ABCC4: variants seen among roughly 807,000 people sequenced by gnomAD.
The protein encoded by ABCC4 is ATP-binding cassette sub-family C member 4.
Under a neutral mutation model 168.5 loss-of-function variants are expected in ABCC4, and 102 were observed. The ratio of observed to expected loss-of-function variants is 0.61; its 90% CI spans 0.52 to 0.71. The LOEUF is 0.71. Ranked by LOEUF, ABCC4 falls within the 30% of genes least tolerant of loss-of-function variation. The pLI, the probability that ABCC4 is intolerant of heterozygous loss-of-function variation, is 0.00. For missense variants in ABCC4, 1,402 were observed against 1,605.8 expected (o/e 0.87, Z 2.17); for synonymous variants, 617 against 590.7 (o/e 1.04, Z -0.65).
chr13:95,022,980 A>G (rs2031178032), intron 30 of ABCC4, among the ~76,000 whole-genome samples: 1 of 152,250 alleles, frequency 6.6e-6, no homozygotes, highest in Non-Finnish European at 1.5e-5. Context: ...TTTCCATTAT[A>G]ATGCAAGTGT....
At chr13:95,157,415 G>A (rs969515597) in intron 19 of ABCC4, among the ~76,000 whole-genome samples, 2 of 151,564 alleles carry the variant, frequency 1.3e-5, no homozygotes, top group African/African-American at 4.9e-5. Flanking sequence ...AGAATTGCTT[G>A]AACCCAAGAG....
rs554619090 is a variant in ABCC4 at position 95,271,137 on chromosome 13, A to G, written c.75-23384T>C. ...CAAATGATAAGCAGTGGAAAAATAC[A>G]CCCAAGACGACCCAAGAAATAGCCA... On this transcript the variant is annotated intron_variant, in intron 1 of 30. Coordinates refer to ENST00000645237, the MANE Select transcript of ABCC4 (RefSeq NM_005845.5). Among the ~76,000 whole-genome samples, 8 of 152,274 alleles carry G rather than the reference A, an allele frequency of 5.3e-5. No individual in the cohort carries two copies. In the South Asian group the frequency reaches 1.7e-3, roughly 32 times the overall value.
At chr13:95,105,659 A>C (rs1186595617) in intron 20 of ABCC4, among the ~76,000 whole-genome samples, 1 of 152,170 alleles carries the variant, frequency 6.6e-6, no homozygotes, top group Non-Finnish European at 1.5e-5. Flanking sequence ...TCCACCAGGC[A>C]GAAGTATGGT....
At chr13:95,218,890 G>A (rs2138703843) in intron 4 of ABCC4, among the ~76,000 whole-genome samples, 1 of 72,484 alleles carries the variant, frequency 1.4e-5, no homozygotes, top group South Asian at 3.9e-4. Context: ...GAGACAGACA[G>A]ATGAGAGAGA....
At position 95,062,787 on chromosome 13, in the gene ABCC4, C is replaced by T. The variant is rs751961590; in HGVS notation, c.3283G>A (p.Glu1095Lys). ...ATCTTATCAATCCAAATTTTACCTTCGGGTTCTGACAATCTAAAAAGGGCT... is the reference window on the plus strand; with the variant it reads ...ATCTTATCAATCCAAATTTTACCTTTGGGTTCTGACAATCTAAAAAGGGCT... Reference protein sequence around the residue: ...ISALFRLSEPEGKIWIDKILT... With the variant: ...ISALFRLSEPKGKIWIDKILT... Residue 1095 changes from glutamate to lysine, a missense_variant, in exon 26 of 31, where the codon GAA (glutamate) becomes AAA (lysine). Glu to Lys is a moderately conservative substitution (Grantham distance 56). Coordinates refer to ENST00000645237, the MANE Select transcript of ABCC4 (RefSeq NM_005845.5). 48 of 1,613,690 alleles carry T rather than the reference C, an allele frequency of 3.0e-5. No homozygotes were observed. The highest frequency in any genetic ancestry group is 1.2e-4 in the Admixed American group (7 of 59,972).
chr13:95,102,426 A>G, intron 20 of ABCC4, among the ~76,000 whole-genome samples: 1 of 151,924 alleles, frequency 6.6e-6, no homozygotes, highest in East Asian at 1.9e-4. Flanking sequence ...GACTACAACC[A>G]TAAGACACCA....
At chr13:95,025,262 CCCCCACACCCCCA>C (rs2031404765) in intron 30 of ABCC4, among the ~76,000 whole-genome samples, 2 of 45,126 alleles carry the variant, frequency 4.4e-5, no homozygotes, top group Admixed American at 4.5e-4. Context: ...CACACACACA[CCCCCACACCCCCA>C]CACACACCCC....
chr13:95,063,039 T>C (rs560149660), intron 25 of ABCC4, among the ~76,000 whole-genome samples, 180 bp from the exon 26 acceptor site: 1 of 152,294 alleles, frequency 6.6e-6, no homozygotes, highest in South Asian at 2.1e-4. Flanking sequence ...CTTCTTCATT[T>C]TGGAAGCTGC....
intron 25 of ABCC4, among the ~76,000 whole-genome samples, chr13:95,066,784 A>C (rs974109164): frequency 6.6e-6 from 1 of 152,236 alleles, no homozygotes; most frequent in Non-Finnish European, 1.5e-5. Context: ...AATCACTTGG[A>C]TAGCCTGGCT....
At chr13:95,028,658 A>G (rs968765871) in intron 30 of ABCC4, among the ~76,000 whole-genome samples, 2 of 152,238 alleles carry the variant, frequency 1.3e-5, no homozygotes. Context: ...ACACAAATGC[A>G]TTCAAGAAGA....
chr13:95,140,933 A>G (rs762202136), intron 19 of ABCC4, among the ~76,000 whole-genome samples: 10 of 152,236 alleles, frequency 6.6e-5, no homozygotes, highest in Non-Finnish European at 1.3e-4. Context: ...TCTGCACGAC[A>G]TCAAAGTCCT....
At chr13:95,142,273 T>A (rs2036343552) in intron 19 of ABCC4, among the ~76,000 whole-genome samples, 1 of 152,192 alleles carries the variant, frequency 6.6e-6, no homozygotes, top group African/African-American at 2.4e-5. Flanking sequence ...ATTAATGGCA[T>A]TTGCAGTGAC....
intron 1 of ABCC4, among the ~76,000 whole-genome samples, chr13:95,267,064 A>G (rs528256486): frequency 6.6e-6 from 1 of 151,714 alleles, no homozygotes; most frequent in African/African-American, 2.4e-5. Flanking sequence ...TTTAGTAGAG[A>G]TGGGGTTTCA....
intron 18 of ABCC4, 152 bp from the exon 19 acceptor site, chr13:95,161,487 A>G (rs991762661): frequency 2.0e-5 from 11 of 541,804 alleles, no homozygotes; most frequent in Non-Finnish European, 3.2e-5. Context: ...TTTACAAAAT[A>G]CATTGACAAA....
At chr13:95,062,471 G>GT (rs2033333382) in intron 26 of ABCC4, among the ~76,000 whole-genome samples, 1 of 134,552 alleles carries the variant, frequency 7.4e-6, no homozygotes, top group African/African-American at 2.8e-5. Context: ...ATCTATCTGC[G>GT]TAAGTTATTA....
At chr13:95,136,833 C>A (rs1346236661) in intron 19 of ABCC4, among the ~76,000 whole-genome samples, 1 of 152,226 alleles carries the variant, frequency 6.6e-6, no homozygotes, top group Non-Finnish European at 1.5e-5. Context: ...GCCGAACGCC[C>A]AGCCTGCCCA....
At chr13:95,232,859 T>C (rs2039662431) in intron 4 of ABCC4, among the ~76,000 whole-genome samples, 1 of 152,168 alleles carries the variant, frequency 6.6e-6, no homozygotes, top group South Asian at 2.1e-4. Context: ...TATGGTATTA[T>C]TTATGGCATA....
intron 19 of ABCC4, among the ~76,000 whole-genome samples, chr13:95,121,032 G>A (rs987288787): frequency 5.3e-5 from 8 of 152,208 alleles, no homozygotes; most frequent in African/African-American, 1.9e-4. Flanking sequence ...TAGAAGTCCA[G>A]TATTTCAGTA....
At chr13:95,072,572 C>T (rs2033769052) in intron 24 of ABCC4, among the ~76,000 whole-genome samples, 1 of 152,212 alleles carries the variant, frequency 6.6e-6, no homozygotes, top group South Asian at 2.1e-4. Context: ...TCAACTTTTG[C>T]TCTATGAGAA....
Sources: gnomAD v4.1 joint callset for allele counts (sites outside exome capture counted in the v4.1 genomes callset) on GRCh38, gnomAD v4.1.1 for gene constraint, MANE v1.5 for transcripts, NCBI Gene and HGNC (gene_info 2026-07-23, HGNC 2026-07-21) for gene names.